The following THSD7A variants were observed in gnomAD, a reference collection of about 807,000 sequenced individuals.
THSD7A encodes the protein thrombospondin type-1 domain-containing protein 7A.
A neutral mutation model predicts 231.3 loss-of-function variants in THSD7A; 96 were observed. That is an observed-to-expected ratio of 0.41 (90% confidence interval 0.35 to 0.49). The LOEUF (loss-of-function observed/expected upper bound fraction) is 0.49. THSD7A is among the 20% of genes least tolerant of loss of function. The pLI, the probability that THSD7A is intolerant of heterozygous loss-of-function variation, is 0.05. For missense variants in THSD7A, 2,290 were observed against 2,070.2 expected, an observed-to-expected ratio of 1.11 and a Z score of -2.06; for synonymous variants, 940 against 743.3, an observed-to-expected ratio of 1.26 and a Z score of -4.30.
At chr7:11,565,605 A>G (rs896210107) in intron 4 of THSD7A, among the ~76,000 whole-genome samples, 9 of 142,624 alleles carry the variant, frequency 6.3e-5, no homozygotes, top group Admixed American at 5.5e-4. Context: ...TTTCTAAGGA[A>G]ATGGTTGTGG....
At chr7:11,485,159 G>T (rs1482049842) in intron 6 of THSD7A, among the ~76,000 whole-genome samples, 1 of 151,900 alleles carries the variant, frequency 6.6e-6, no homozygotes, top group Non-Finnish European at 1.5e-5. Flanking sequence ...AAAGTGCTGG[G>T]ATTACAGGCA....
At chr7:11,626,418 A>G (rs1190673349) in intron 2 of THSD7A, among the ~76,000 whole-genome samples, 1 of 152,124 alleles carries the variant, frequency 6.6e-6, no homozygotes, top group African/African-American at 2.4e-5. Context: ...AACTTTTCAT[A>G]TATCAAGCAT....
intron 6 of THSD7A, 100 bp downstream of exon 6, chr7:11,541,319 A>G: frequency 2.7e-6 from 3 of 1,110,844 alleles, no homozygotes; most frequent in Non-Finnish European, 4.0e-6. Context: ...TGTAAACAGA[A>G]TCAGTTATAA....
intron 23 of THSD7A, among the ~76,000 whole-genome samples, chr7:11,401,013 C>T (rs770427272): frequency 2.6e-5 from 4 of 151,902 alleles, no homozygotes; most frequent in African/African-American, 4.8e-5. Context: ...TGTGTGTATA[C>T]GTTCACACAG....
chr7:11,405,331 C>A (rs751224916), intron 22 of THSD7A, among the ~76,000 whole-genome samples: 3 of 151,668 alleles, frequency 2.0e-5, no homozygotes, highest in Non-Finnish European at 4.4e-5. Flanking sequence ...TGTTTTATGC[C>A]CCATTATTTT....
Position 11,481,767 on chromosome 7 carries a change from C to T in THSD7A, c.2017+21G>A, listed in dbSNP as rs769109047. On this transcript the variant is annotated intron_variant, in intron 7 of 27. Transcript: ENST00000423059. ...TAACTTTTGAAACGAACCTAGATGG[C>T]GTCTGAAGCTGGCGACTCACCTTCT... is the stretch of plus-strand genomic sequence containing the variant. 1.8e-5 allele frequency: 29 copies of T among 1,570,768 alleles called. No homozygotes were observed. The Admixed American group carries it at 3.0e-4, about 16-fold the overall frequency.
intron 1 of THSD7A, among the ~76,000 whole-genome samples, chr7:11,745,418 T>A (rs542908752): frequency 4.6e-5 from 7 of 152,292 alleles, no homozygotes; most frequent in African/African-American, 1.7e-4. Flanking sequence ...GATGATACTT[T>A]CTTTTGCTGT....
intron 6 of THSD7A, among the ~76,000 whole-genome samples, chr7:11,525,914 G>A (rs755599250): frequency 1.3e-5 from 2 of 152,136 alleles, no homozygotes; most frequent in Non-Finnish European, 2.9e-5. Context: ...AACATCAGCA[G>A]CACTGGGTGA....
At chr7:11,381,077 T>C (rs1267657489) in intron 24 of THSD7A, among the ~76,000 whole-genome samples, 1 of 152,130 alleles carries the variant, frequency 6.6e-6, no homozygotes, top group Non-Finnish European at 1.5e-5. Context: ...CTTTGAATAG[T>C]TTAAAAAAGA....
At chr7:11,465,908 G>A (rs1412813143) in intron 9 of THSD7A, among the ~76,000 whole-genome samples, 1 of 152,100 alleles carries the variant, frequency 6.6e-6, no homozygotes, top group African/African-American at 2.4e-5. Context: ...AATGCCCTCT[G>A]TCAAAATTTA....
chr7:11,675,178 TCC>T (rs1436989476), intron 1 of THSD7A, among the ~76,000 whole-genome samples: 2 of 151,972 alleles, frequency 1.3e-5, no homozygotes, highest in African/African-American at 4.8e-5. Flanking sequence ...GGGAACTCCC[TCC>T]CCTAGCCAAG....
Position 11,406,285 on chromosome 7 carries a change from C to T in THSD7A, c.4237+15G>A, listed in dbSNP as rs766572883. On this transcript the variant is annotated intron_variant, in intron 22 of 27. Transcript: ENST00000423059. The surrounding 1 kb of genome is among the most constrained non-coding windows in gnomAD (Gnocchi z 4.7). ...AAAAATAATCAGAATATGAATTCTC[C>T]TTTGCCGTTGTTACCTGGGCAAGGC... The T allele has an allele frequency of 4.4e-6, 7 of 1,594,932 alleles. No individual in the cohort carries two copies. The highest frequency in any genetic ancestry group is 6.0e-6 in the Non-Finnish European group (7 of 1,171,876).
In THSD7A at chr7:11,474,112, G is replaced by T. The variant is rs370660546; in HGVS notation, c.2252+222C>A. The stretch of plus-strand genomic sequence containing the variant: ...AGTGCTACTATAAAACAGAGAGTAG[G>T]CACCAGATAGAAAGATTTCTACAGA... On this transcript the variant is annotated intron_variant, in intron 8 of 27. Transcript: ENST00000423059. The surrounding 1 kb of genome is among the most constrained non-coding windows in gnomAD (Gnocchi z 4.1). Among the ~76,000 whole-genome samples, 1 of 152,116 alleles carries T rather than the reference G, an allele frequency of 6.6e-6. No individual in the cohort carries two copies. The highest frequency in any genetic ancestry group is 6.5e-5 in the Admixed American group (1 of 15,270).
intron 7 of THSD7A, among the ~76,000 whole-genome samples, chr7:11,476,973 C>T (rs138855218): frequency 6.6e-6 from 1 of 152,092 alleles, no homozygotes; most frequent in East Asian, 1.9e-4. Flanking sequence ...GAAACGATGT[C>T]CATCACCCTA....
Position 11,379,163 on chromosome 7 carries a change from C to G in THSD7A, c.4708G>C (p.Asp1570His). The change falls in exon 26 of 28, where the codon GAT (aspartate) becomes CAT (histidine). Residue 1570 changes from aspartate (D) to histidine (H), a missense_variant. Coordinates refer to ENST00000423059, the MANE Select transcript of THSD7A (RefSeq NM_015204.3). ...TGTACAGCCCGACTGGTTTTCACAT[C>G]TCCTCTTTTGTCCTCCATGGTGGGT... ...VLPTMEDKRG[D>H]VKTSRAVHPT... The G allele has an allele frequency of 6.2e-7, 1 of 1,613,696 alleles. No homozygotes were observed. Among genetic ancestry groups the G allele is most frequent in the Non-Finnish European group, 8.5e-7 (1 of 1,179,718 alleles).
intron 11 of THSD7A, among the ~76,000 whole-genome samples, chr7:11,449,665 A>G (rs574056119): frequency 6.6e-6 from 1 of 152,210 alleles, no homozygotes; most frequent in East Asian, 1.9e-4. Context: ...CATCTGTAAC[A>G]CAGTGTAGGA....
chr7:11,405,151 G>GTT (rs1783540333), intron 22 of THSD7A, among the ~76,000 whole-genome samples: 1 of 72,302 alleles, frequency 1.4e-5, no homozygotes, highest in African/African-American at 5.9e-5. Context: ...CATCTCAAAT[G>GTT]ATTTTTTTTT....
Position 11,831,843 on chromosome 7 carries a change from A to AGCAGCG in THSD7A, c.98_103dup (p.Pro33_Leu34dup), listed in dbSNP as rs536177295. On this transcript the variant is annotated inframe_insertion, in exon 1 of 28. Transcript: ENST00000423059. The surrounding 1 kb of genome is among the most constrained non-coding windows in gnomAD (Gnocchi z 5.0). Reference sequence around the variant, plus strand: ...GCCCGGGCGTAGCAGCAGCAGCAGGAGCAGCGGCAGCGGCAGCGGCAGCGG... The same window carrying AGCAGCG: ...GCCCGGGCGTAGCAGCAGCAGCAGGAGCAGCGGCAGCGGCAGCGGCAGCGGCAGCGG... 0.036 allele frequency: 48,799 copies of AGCAGCG among 1,359,682 alleles called. 1,161 individuals carry two copies. Among genetic ancestry groups the AGCAGCG allele is most frequent in the East Asian group, 0.052 (1,770 of 34,150 alleles). The allele number at this position is 1,359,682 out of a possible 1,614,324, so 84.2% of individuals were successfully genotyped here. A position where few individuals can be genotyped will look rare whatever the true frequency, so the allele number is the denominator to read the frequency against.
chr7:11,563,303 T>C (rs556851044), intron 4 of THSD7A, among the ~76,000 whole-genome samples: 1 of 152,346 alleles, frequency 6.6e-6, no homozygotes, highest in South Asian at 2.1e-4. Flanking sequence ...TGGTATTTAA[T>C]GCGCTTCAAA....
Sources: gnomAD v4.1 joint callset for allele counts (sites outside exome capture counted in the v4.1 genomes callset) on GRCh38, gnomAD v4.1.1 for gene constraint, Gnocchi (gnomAD v3.1) non-coding constraint, MANE v1.5 for transcripts, NCBI Gene and HGNC (gene_info 2026-07-23, HGNC 2026-07-21) for gene names.